Variants in GID4 observed in about 807,000 individuals in gnomAD.
GID4 encodes glucose-induced degradation protein 4 homolog.
In GID4, 7 loss-of-function variants were observed where a neutral mutation model predicts 32.4. The observed-to-expected ratio is 0.22, with a 90% CI of 0.12 to 0.41. The LOEUF (loss-of-function observed/expected upper bound fraction) is 0.41. GID4 is among the 10% of genes least tolerant of loss of function. The probability of loss-of-function intolerance (pLI) is 1.00; values close to 1 mark genes in which losing one functional copy is unlikely to be tolerated. For synonymous variants in GID4, 166 were observed against 170.0 expected (o/e 0.98, Z 0.18); for missense variants, 309 against 400.0 (o/e 0.77, Z 1.94).
Position 18,054,119 on chromosome 17 carries a change from T to TA in GID4, c.499-7dup. 1 of 1,500,482 alleles carries TA rather than the reference T, an allele frequency of 6.7e-7. No individual in the cohort carries two copies. Among genetic ancestry groups the TA allele is most frequent in the Middle Eastern group, 1.7e-4 (1 of 5,820 alleles). 92.9% of individuals were successfully genotyped at this position (1,500,482 alleles called of 1,614,324 possible). On this transcript the variant is annotated splice_polypyrimidine_tract_variant and splice_region_variant and intron_variant, in intron 2 of 5. Coordinates refer to ENST00000268719, the MANE Select transcript of GID4 (RefSeq NM_024052.5). Reference sequence around the variant, plus strand: ...CATCTTATTTTGATATTTGGGTTTTTACCATAGGAGTATCCAACCCTTACA... The same window carrying TA: ...CATCTTATTTTGATATTTGGGTTTTTAACCATAGGAGTATCCAACCCTTACA...
intron 3 of GID4, among the ~76,000 whole-genome samples, chr17:18,054,780 A>G (rs2044948869): frequency 6.6e-6 from 1 of 152,082 alleles, no homozygotes; most frequent in South Asian, 2.1e-4. Flanking sequence ...TTAACTGTCA[A>G]GTGTAGAGCA....
At chr17:18,044,199 C>T (rs1421576804) in intron 1 of GID4, among the ~76,000 whole-genome samples, 2 of 152,178 alleles carry the variant, frequency 1.3e-5, no homozygotes, top group Non-Finnish European at 2.9e-5. Flanking sequence ...TTCACAGATG[C>T]ACTCAGGAGA....
At chr17:18,045,297 T>G in intron 2 of GID4, 91 bp downstream of exon 2, 1 of 908,686 alleles carries the variant, frequency 1.1e-6, no homozygotes, top group Non-Finnish European at 1.8e-6. Context: ...CTCAACTCCT[T>G]GAGGCCTAAT....
Position 18,061,870 on chromosome 17 carries a change from C to T in GID4, c.734C>T (p.Thr245Met). 6.2e-7 allele frequency: 1 copy of T among 1,614,002 alleles called. No individual in the cohort carries two copies. The highest frequency in any genetic ancestry group is 8.5e-7 in the Non-Finnish European group (1 of 1,179,952). ...GAACAGTTTCTGGTCCCAGATCACA[C>T]GATCAAAGACATCAGTGGTGCTTCT... ...WKEQFLVPDH[T>M]IKDISGASFA... The change falls in exon 5 of 6, where the codon ACG becomes ATG. Residue 245 changes from threonine (T) to methionine (M), a missense_variant. Coordinates refer to ENST00000268719, the MANE Select transcript of GID4 (RefSeq NM_024052.5). The surrounding 1 kb of genome is among the most constrained non-coding windows in gnomAD (Gnocchi z 4.4).
intron 2 of GID4, among the ~76,000 whole-genome samples, chr17:18,046,989 A>G (rs2044860678): frequency 6.6e-6 from 1 of 151,846 alleles, no homozygotes; most frequent in Admixed American, 6.6e-5. Context: ...TTCTGGGGGT[A>G]AGGAAAGAAT....
At chr17:18,054,611 G>A (rs938535913) in intron 3 of GID4, among the ~76,000 whole-genome samples, 2 of 152,080 alleles carry the variant, frequency 1.3e-5, no homozygotes, top group Admixed American at 6.6e-5. Context: ...GATGACCTCC[G>A]GCTTCGGGGC....
In GID4 at chr17:18,065,338, TTCCTG is replaced by T; in HGVS notation, c.*97_*101del. On this transcript the variant is annotated 3_prime_UTR_variant, in exon 6 of 6. Transcript: ENST00000268719. The stretch of plus-strand genomic sequence containing the variant: ...ACCTGCCAGAACCAGGAGAAGTGTG[TTCCTG>T]TTTCTTCACGAGCAGACTCGCATCA... 1 of 883,948 alleles carries T rather than the reference TTCCTG, an allele frequency of 1.1e-6. No individual in the cohort carries two copies. The highest frequency in any genetic ancestry group is 1.9e-5 in the Admixed American group (1 of 52,452). 54.8% of individuals were successfully genotyped at this position (883,948 alleles called of 1,614,324 possible). A position where few individuals can be genotyped will look rare whatever the true frequency, so the allele number is the denominator to read the frequency against.
chr17:18,040,012 G>GC, intron 1 of GID4, 110 bp downstream of exon 1: 1 of 1,240,380 alleles, frequency 8.1e-7, no homozygotes, highest in East Asian at 3.3e-5. Context: ...CGCCGCCGGG[G>GC]CCTCCTGCAC....
rs186855075 is a variant in GID4, at chr17:18,063,563, G to A, written c.839+1588G>A. Among the ~76,000 whole-genome samples, 218 of 152,200 alleles carry A rather than the reference G, an allele frequency of 1.4e-3. 1 individual carries two copies. Among genetic ancestry groups the A allele is most frequent in the African/African-American group, 5.1e-3 (211 of 41,506 alleles). On this transcript the variant is annotated intron_variant, in intron 5 of 5. Coordinates refer to ENST00000268719, the MANE Select transcript of GID4 (RefSeq NM_024052.5). Reference sequence around the variant, plus strand: ...CCCTCTGAGCCCTGGGCAACCACTAGTCTTTCTCTTATGTATGTATAGATT... The same window carrying A: ...CCCTCTGAGCCCTGGGCAACCACTAATCTTTCTCTTATGTATGTATAGATT...
At position 18,057,122 on chromosome 17, in the gene GID4, TCTA is replaced by T; in HGVS notation, c.607-1744_607-1742del. ...TAAAGTCAGGATTCCATATATTCAG[TCTA>T]CATAGGATAAAAATGTCTATGTGAC... On this transcript the variant is annotated intron_variant, in intron 3 of 5. Transcript: ENST00000268719. 2.1e-6 allele frequency: 3 copies of T among 1,430,398 alleles called. No homozygotes were observed. The Admixed American group carries it at 7.4e-5, about 35-fold the overall frequency. The allele number at this position is 1,430,398 out of a possible 1,614,324, so 88.6% of individuals were successfully genotyped here. A position where few individuals can be genotyped will look rare whatever the true frequency, so the allele number is the denominator to read the frequency against.
At chr17:18,062,681 G>A (rs776017724) in intron 5 of GID4, among the ~76,000 whole-genome samples, 1 of 152,160 alleles carries the variant, frequency 6.6e-6, no homozygotes, top group Non-Finnish European at 1.5e-5. Flanking sequence ...CAGTGGTAAC[G>A]AAATTATATC....
Position 18,039,677 on chromosome 17 carries a change from C to G in GID4, c.213C>G (p.Leu71=). The part of the protein sequence containing the change: ...LGSRAAAAVP[L]PLPPALAPGD... Reference sequence around the variant, plus strand: ...CCCGCGCGGCGGCGGCGGTTCCTCTCCCACTCCCCCCAGCCCTGGCTCCGG... The same window carrying G: ...CCCGCGCGGCGGCGGCGGTTCCTCTGCCACTCCCCCCAGCCCTGGCTCCGG... Residue 71 remains leucine, a synonymous_variant, in exon 1 of 6, where the codon CTC becomes CTG. Coordinates refer to ENST00000268719, the MANE Select transcript of GID4 (RefSeq NM_024052.5). This position sits in a 1 kb window ranked among gnomAD's most constrained non-coding sequence, Gnocchi z 5.3. 1 of 1,405,628 alleles carries G rather than the reference C, an allele frequency of 7.1e-7. No homozygotes were observed. Among genetic ancestry groups the G allele is most frequent in the Non-Finnish European group, 9.3e-7 (1 of 1,078,434 alleles). 87.1% of individuals were successfully genotyped at this position (1,405,628 alleles called of 1,614,324 possible). A position where few individuals can be genotyped will look rare whatever the true frequency, so the allele number is the denominator to read the frequency against.
intron 1 of GID4, among the ~76,000 whole-genome samples, chr17:18,041,591 G>T (rs1451410689): frequency 6.6e-6 from 1 of 152,138 alleles, no homozygotes; most frequent in African/African-American, 2.4e-5. Context: ...GAGTATGAAG[G>T]TACAGGGGTT....
At chr17:18,045,097 C>A in intron 1 of GID4, 50 bp from the exon 2 acceptor site, 1 of 1,450,130 alleles carries the variant, frequency 6.9e-7, no homozygotes, top group Non-Finnish European at 9.7e-7. Context: ...CCTGCATGTC[C>A]CCTAGTAAGT....
In GID4 at chr17:18,039,748, G is replaced by C. The variant is rs2044768909; in HGVS notation, c.284G>C (p.Gly95Ala). 1.9e-6 allele frequency: 3 copies of C among 1,552,642 alleles called. No homozygotes were observed. Among genetic ancestry groups the C allele is most frequent in the South Asian group, 1.2e-5 (1 of 84,782 alleles). Reference protein sequence around the residue: ...PVRTECPPPAGASAASAASLI... With the variant: ...PVRTECPPPAAASAASAASLI... Reference sequence around the variant, plus strand: ...CGCACCGAGTGTCCCCCGCCGGCCGGTGCCTCCGCTGCCTCCGCGGCCTCA... The same window carrying C: ...CGCACCGAGTGTCCCCCGCCGGCCGCTGCCTCCGCTGCCTCCGCGGCCTCA... Residue 95 changes from glycine (G) to alanine (A), a missense_variant, in exon 1 of 6, where the codon GGT (glycine) becomes GCT (alanine). Gly to Ala is a moderately conservative substitution (Grantham distance 60). Transcript: ENST00000268719. This position sits in a 1 kb window ranked among gnomAD's most constrained non-coding sequence, Gnocchi z 5.3.
intron 2 of GID4, among the ~76,000 whole-genome samples, chr17:18,051,393 A>G (rs1233424602): frequency 6.6e-6 from 1 of 152,222 alleles, no homozygotes; most frequent in Non-Finnish European, 1.5e-5. Context: ...GAAAAATAAT[A>G]TAAACAGTTT....
intron 1 of GID4, among the ~76,000 whole-genome samples, chr17:18,044,468 AT>A (rs2044833187): frequency 6.6e-6 from 1 of 152,224 alleles, no homozygotes; most frequent in African/African-American, 2.4e-5. Context: ...ATTTCTATTT[AT>A]TTTAGGCTCC....
chr17:18,065,500 G>A lies in GID4; in HGVS notation c.*257G>A, dbSNP rs1567590213. On this transcript the variant is annotated 3_prime_UTR_variant, in exon 6 of 6. Coordinates refer to ENST00000268719, the MANE Select transcript of GID4 (RefSeq NM_024052.5). ...CACCTGTTTTTAAGCTACCTTAAAC[G>A]CACTTTTCCTTCCTGCACAGCTAAC... is the stretch of plus-strand genomic sequence containing the variant. 2.2e-5 allele frequency: 11 copies of A among 495,340 alleles called. No homozygotes were observed. Among genetic ancestry groups the A allele is most frequent in the South Asian group, 4.1e-5 (2 of 48,418 alleles). 30.7% of individuals were successfully genotyped at this position (495,340 alleles called of 1,614,324 possible). A position where few individuals can be genotyped will look rare whatever the true frequency, so the allele number is the denominator to read the frequency against.
intron 2 of GID4, among the ~76,000 whole-genome samples, chr17:18,046,430 C>G (rs2044852916): frequency 6.6e-6 from 1 of 152,016 alleles, no homozygotes; most frequent in African/African-American, 2.4e-5. Flanking sequence ...CATAGCAAGA[C>G]CTTGTCGCTA....
Sources: gnomAD v4.1 joint callset for allele counts (sites outside exome capture counted in the v4.1 genomes callset) on GRCh38, gnomAD v4.1.1 for gene constraint, Gnocchi (gnomAD v3.1) non-coding constraint, MANE v1.5 for transcripts, NCBI Gene and HGNC (gene_info 2026-07-23, HGNC 2026-07-21) for gene names.